Variants in TUSC3 observed in about 807,000 individuals in gnomAD.
TUSC3 encodes dolichyl-diphosphooligosaccharide--protein glycosyltransferase subunit TUSC3.
Under a neutral mutation model 44.8 loss-of-function variants are expected in TUSC3, and 45 were observed. The observed-to-expected ratio is 1.00, with a 90% CI of 0.79 to 1.29. The LOEUF is 1.29. Among genes scored for constraint, TUSC3 ranks in the 50% most tolerant of loss-of-function variants. The pLI is 0.00. For missense variants in TUSC3, 519 were observed against 437.9 expected (o/e 1.19, Z -1.65); for synonymous variants, 212 against 152.9 (o/e 1.39, Z -2.85).
At chr8:15,590,147 A>G (rs1042431589) in intron 1 of TUSC3, among the ~76,000 whole-genome samples, 12 of 152,222 alleles carry the variant, frequency 7.9e-5, no homozygotes, top group Non-Finnish European at 1.2e-4. Flanking sequence ...TGGATATTTT[A>G]AAATTATCTT....
chr8:15,643,806 T>C (rs2129172731), intron 2 of TUSC3, among the ~76,000 whole-genome samples: 1 of 152,208 alleles, frequency 6.6e-6, no homozygotes, highest in South Asian at 2.1e-4. Flanking sequence ...TTGTGCAGGG[T>C]GTTGTTTATC....
rs1802537018 is a variant in TUSC3, at chr8:15,563,048, C to T, written c.138+22480C>T. On this transcript the variant is annotated intron_variant, in intron 1 of 10. Transcript: ENST00000503731. ...TCATTGGGGATTATTTCATTTATGCCTACTAAAGTGGGCAAGCCTGCACTT... is the reference window on the plus strand; with the variant it reads ...TCATTGGGGATTATTTCATTTATGCTTACTAAAGTGGGCAAGCCTGCACTT... Among the ~76,000 whole-genome samples the T allele has an allele frequency of 2.0e-5, 3 of 152,122 alleles. No individual in the cohort carries two copies. In the South Asian group the frequency reaches 6.2e-4, roughly 32 times the overall value.
intron 2 of TUSC3, among the ~76,000 whole-genome samples, chr8:15,511,088 C>T (rs1171954208): frequency 2.7e-5 from 4 of 149,104 alleles, no homozygotes; most frequent in Non-Finnish European, 5.9e-5. Flanking sequence ...ATAAAGGACA[C>T]CCCCCAAAAA....
intron 5 of TUSC3, among the ~76,000 whole-genome samples, chr8:15,662,538 A>G (rs891712124): frequency 1.9e-4 from 29 of 151,974 alleles, no homozygotes; most frequent in African/African-American, 6.8e-4. Flanking sequence ...AGATAAATAC[A>G]TGTTGAATAC....
intron 7 of TUSC3, among the ~76,000 whole-genome samples, chr8:15,732,417 C>T (rs1473489157): frequency 6.6e-6 from 1 of 152,116 alleles, no homozygotes; most frequent in African/African-American, 2.4e-5. Flanking sequence ...ATGTGCCTTT[C>T]ACCATGATTG....
At chr8:15,474,923 T>G (rs1800554717) in intron 1 of TUSC3, among the ~76,000 whole-genome samples, 1 of 152,208 alleles carries the variant, frequency 6.6e-6, no homozygotes, top group Non-Finnish European at 1.5e-5. Flanking sequence ...CTTGGCTAAT[T>G]AAAGCAATTT....
intron 1 of TUSC3, among the ~76,000 whole-genome samples, chr8:15,429,404 G>A (rs1201244588): frequency 6.7e-6 from 1 of 149,816 alleles, no homozygotes; most frequent in Non-Finnish European, 1.5e-5. Flanking sequence ...CAGGTAATGT[G>A]ATGCCTCCAG....
At chr8:15,817,303 G>A in the TUSC3 span, among the ~76,000 whole-genome samples, 1 of 151,076 alleles carries the variant, frequency 6.6e-6, no homozygotes, top group Non-Finnish European at 1.5e-5. Flanking sequence ...CACCACCTTA[G>A]AACTTTGATT....
intron 5 of TUSC3, among the ~76,000 whole-genome samples, chr8:15,663,408 C>G (rs1345461289): frequency 1.3e-5 from 2 of 151,662 alleles, no homozygotes; most frequent in African/African-American, 2.4e-5. Flanking sequence ...CTTTTGCTTT[C>G]TTGCAGTAGC....
At chr8:15,743,895 T>C (rs1811298311) in intron 8 of TUSC3, among the ~76,000 whole-genome samples, 2 of 152,174 alleles carry the variant, frequency 1.3e-5, no homozygotes, top group African/African-American at 4.8e-5. Context: ...GCCATAGTCT[T>C]GGTTGTAATT....
chr8:15,786,121 G>A, the TUSC3 span, among the ~76,000 whole-genome samples: 1 of 152,104 alleles, frequency 6.6e-6, no homozygotes, highest in African/African-American at 2.4e-5. Context: ...AAATGTAAAA[G>A]ATTTTTAAAT....
At position 15,659,647 on chromosome 8, in the gene TUSC3, T is replaced by C. The variant is rs762123576; in HGVS notation, c.567T>C (p.His189=). The C allele has an allele frequency of 1.9e-6, 3 of 1,612,458 alleles. No homozygotes were observed. The highest frequency in any genetic ancestry group is 2.5e-6 in the Non-Finnish European group (3 of 1,179,442). The change falls in exon 4 of 11, where the codon CAT becomes CAC. Residue 189 remains histidine, a splice_region_variant and synonymous_variant. Coordinates refer to ENST00000503731, the MANE Select transcript of TUSC3 (RefSeq NM_006765.4). ...AKWIADRTDV[H]IRVFRPPNYS... ...GGATTGCTGACAGAACGGATGTTCA[T>C]GTATGTTTTTATTCCTCACAGTTTT...
At chr8:15,585,680 G>T (rs770627065) in intron 1 of TUSC3, among the ~76,000 whole-genome samples, 2 of 152,136 alleles carry the variant, frequency 1.3e-5, no homozygotes, top group African/African-American at 4.8e-5. Flanking sequence ...TGTTTTAGGG[G>T]ATGGAATTTT....
intron 1 of TUSC3, among the ~76,000 whole-genome samples, chr8:15,560,399 G>C (rs1435059824): frequency 1.4e-5 from 2 of 143,180 alleles, no homozygotes; most frequent in African/African-American, 5.1e-5. Flanking sequence ...GCTTCCCTTT[G>C]AGGGTAACCC....
At chr8:15,797,552 A>G in the TUSC3 span, among the ~76,000 whole-genome samples, 3 of 152,316 alleles carry the variant, frequency 2.0e-5, no homozygotes, top group African/African-American at 7.2e-5. Flanking sequence ...GAGGATGAAC[A>G]TTCTGACTTG....
At chr8:15,712,128 A>G (rs1809877803) in intron 6 of TUSC3, among the ~76,000 whole-genome samples, 3 of 152,080 alleles carry the variant, frequency 2.0e-5, no homozygotes, top group Admixed American at 1.3e-4. Context: ...ATCTTATTTT[A>G]CAAGTATTGT....
intron 8 of TUSC3, among the ~76,000 whole-genome samples, chr8:15,744,949 C>T (rs1811343418): frequency 6.6e-6 from 1 of 152,182 alleles, no homozygotes; most frequent in African/African-American, 2.4e-5. Flanking sequence ...ACACGCTCCT[C>T]ACTCCATCCC....
At chr8:15,447,719 T>TTTAC (rs1800125374) in intron 1 of TUSC3, among the ~76,000 whole-genome samples, 5 of 151,802 alleles carry the variant, frequency 3.3e-5, no homozygotes, top group Non-Finnish European at 7.4e-5. Context: ...CTTACTTTTA[T>TTTAC]TTTTCTTATT....
intron 6 of TUSC3, among the ~76,000 whole-genome samples, chr8:15,685,870 TTG>T (rs1491036366): frequency 1.4e-5 from 2 of 144,084 alleles, no homozygotes; most frequent in African/African-American, 2.5e-5. Context: ...TTTTTTTTTT[TTG>T]AAAAATTAGT....
Sources: allele counts gnomAD v4.1 joint callset (sites outside exome capture counted in the v4.1 genomes callset), GRCh38; gene constraint gnomAD v4.1.1; transcripts MANE v1.5; gene names NCBI Gene and HGNC (gene_info 2026-07-23, HGNC 2026-07-21).